SYT16: variants seen among roughly 807,000 people sequenced by gnomAD.
SYT16 encodes the protein synaptotagmin-16.
Under a neutral mutation model 61.4 loss-of-function variants are expected in SYT16, and 42 were observed. That is an observed-to-expected ratio of 0.68 (90% CI 0.53 to 0.89). The LOEUF (loss-of-function observed/expected upper bound fraction) is 0.89. Ranked by LOEUF, SYT16 falls within the 40% of genes least tolerant of loss-of-function variation. SYT16 has a pLI of 0.00. For synonymous variants in SYT16, 314 were observed against 302.3 expected, an observed-to-expected ratio of 1.04 and a Z score of -0.40; for missense variants, 804 against 807.3, an observed-to-expected ratio of 1.00 and a Z score of 0.05.
intron 1 of SYT16, among the ~76,000 whole-genome samples, chr14:61,866,752 A>G (rs1214368049): frequency 6.6e-6 from 1 of 152,070 alleles, no homozygotes; most frequent in African/African-American, 2.4e-5. Context: ...AAGAGTAAAA[A>G]TTTTAAATTT....
intron 3 of SYT16, among the ~76,000 whole-genome samples, chr14:62,063,590 A>T (rs1595317550): frequency 6.6e-6 from 1 of 151,670 alleles, no homozygotes. Flanking sequence ...ACTCTTAACC[A>T]CTCTAGCCGT....
At chr14:61,919,623 C>A (rs1013914956) in intron 1 of SYT16, among the ~76,000 whole-genome samples, 5 of 152,160 alleles carry the variant, frequency 3.3e-5, no homozygotes, top group Non-Finnish European at 1.5e-5. Flanking sequence ...TTATCTGATT[C>A]CCTCTGCCAG....
intron 3 of SYT16, among the ~76,000 whole-genome samples, chr14:62,048,824 G>A (rs1375504509): frequency 6.6e-6 from 1 of 152,198 alleles, no homozygotes; most frequent in Non-Finnish European, 1.5e-5. Context: ...TAGTTTGATT[G>A]TACTGTGGTC....
At chr14:61,933,660 G>C (rs1291118153) in intron 1 of SYT16, among the ~76,000 whole-genome samples, 1 of 152,188 alleles carries the variant, frequency 6.6e-6, no homozygotes, top group African/African-American at 2.4e-5. Flanking sequence ...CCCAGCTAAA[G>C]GGCTAGTTGT....
intron 4 of SYT16, among the ~76,000 whole-genome samples, chr14:62,073,353 G>T (rs201143288): frequency 1.3e-5 from 2 of 152,252 alleles, no homozygotes; most frequent in East Asian, 3.9e-4. Flanking sequence ...ATGACCCACT[G>T]TTTAATAGGA....
chr14:62,075,440 C>T (rs962145412), intron 5 of SYT16, 49 bp downstream of exon 5: 5 of 1,530,472 alleles, frequency 3.3e-6, no homozygotes, highest in Non-Finnish European at 4.4e-6. Context: ...TCCCCTTCCC[C>T]TCTTTCCACT....
At chr14:61,833,706 C>CTTTTTTTTTTTTTTTTTTT (rs11357318) in intron 1 of SYT16, among the ~76,000 whole-genome samples, 1 of 48,358 alleles carries the variant, frequency 2.1e-5, no homozygotes, top group Non-Finnish European at 3.7e-5. Flanking sequence ...CCAGCAGTGG[C>CTTTTTTTTTTTTTTTTTTT]TTTTTTTTTT....
At chr14:61,882,349 A>G (rs1329551256) in intron 1 of SYT16, among the ~76,000 whole-genome samples, 1 of 152,206 alleles carries the variant, frequency 6.6e-6, no homozygotes, top group Non-Finnish European at 1.5e-5. Flanking sequence ...TTACACTGCT[A>G]TGAAGAAATA....
At chr14:61,849,980 A>G (rs868365466) in intron 1 of SYT16, among the ~76,000 whole-genome samples, 46 of 152,050 alleles carry the variant, frequency 3.0e-4, no homozygotes, top group African/African-American at 1.1e-3. Context: ...TTCCATAGAT[A>G]TTGAACTAAT....
In SYT16 at chr14:61,900,189, C is replaced by A. The variant is rs1475862692; in HGVS notation, c.-324-69943C>A. 6.3e-5 allele frequency among the ~76,000 whole-genome samples: 9 copies of A among 142,776 alleles called. No individual in the cohort carries two copies. The South Asian group carries it at 1.8e-3, about 29-fold the overall frequency. 93.7% of individuals were successfully genotyped at this position (142,776 alleles called of 152,430 possible). A position where few individuals can be genotyped will look rare whatever the true frequency, so the allele number is the denominator to read the frequency against. ...TTTTTTTTTTTTTGAGATGGAGTCT[C>A]ACTCTGTTGTCCAGGCTGAAATGCA... is the stretch of plus-strand genomic sequence containing the variant. On this transcript the variant is annotated intron_variant, in intron 1 of 7. Transcript: ENST00000683842.
rs1189817518 is a variant in SYT16 at position 62,100,433 on chromosome 14, A to G, written c.1664A>G (p.Gln555Arg). 6 of 1,612,724 alleles carry G rather than the reference A, an allele frequency of 3.7e-6. No homozygotes were observed. In the African/African-American group the frequency reaches 4.0e-5, roughly 11 times the overall value. The change falls in exon 8 of 8, where the codon CAA becomes CGA. Residue 555 changes from glutamine to arginine, a missense_variant. Physicochemically the swap from Gln to Arg is conservative, Grantham distance 43 (BLOSUM62 1). Coordinates refer to ENST00000683842, the MANE Select transcript of SYT16 (RefSeq NM_001367656.1). ...CTCTTTCTCCTCAATTCTGTGGGTC[A>G]AGAGATGTCCCGTTGCAAGACGTCC... ...GKLFLLNSVGQEMSRCKTSIR... is the reference protein window; with the variant it reads ...GKLFLLNSVGREMSRCKTSIR...
At chr14:62,034,399 C>T (rs1198020729) in intron 3 of SYT16, among the ~76,000 whole-genome samples, 1 of 152,142 alleles carries the variant, frequency 6.6e-6, no homozygotes, top group South Asian at 2.1e-4. Context: ...AAATCCTGTA[C>T]ATGAATATTC....
intron 1 of SYT16, among the ~76,000 whole-genome samples, chr14:61,873,863 G>A (rs900741570): frequency 6.6e-6 from 1 of 152,182 alleles, no homozygotes; most frequent in Non-Finnish European, 1.5e-5. Flanking sequence ...CTTTCTAGAG[G>A]TATTAAAACG....
intron 7 of SYT16, 71 bp from the exon 8 acceptor site, chr14:62,100,323 G>T: frequency 7.5e-7 from 1 of 1,330,040 alleles, no homozygotes; most frequent in Non-Finnish European, 1.0e-6. Context: ...AAATGTTACA[G>T]CTAGTCTAGC....
At chr14:61,941,844 A>T (rs912093048) in intron 1 of SYT16, among the ~76,000 whole-genome samples, 1 of 152,248 alleles carries the variant, frequency 6.6e-6, no homozygotes, top group African/African-American at 2.4e-5. Context: ...AATTGAAAGG[A>T]TTTGTCTTAA....
chr14:62,035,333 C>G (rs145150417), intron 3 of SYT16, among the ~76,000 whole-genome samples: 208 of 152,278 alleles, frequency 1.4e-3, no homozygotes, highest in African/African-American at 4.0e-3. Context: ...GTGCTGTGTA[C>G]TGCTTTGATT....
chr14:62,035,505 C>A (rs1482643703), intron 3 of SYT16, among the ~76,000 whole-genome samples: 1 of 152,044 alleles, frequency 6.6e-6, no homozygotes, highest in African/African-American at 2.4e-5. Context: ...TATTTAATTC[C>A]ATCAAAGAGA....
intron 1 of SYT16, chr14:61,832,009 C>T (rs1282845576): frequency 6.0e-6 from 4 of 669,040 alleles, no homozygotes; most frequent in African/African-American, 3.6e-5. Context: ...CAGCGCTTCT[C>T]CCAGATGATA....
At chr14:61,934,209 C>G (rs2049888012) in intron 1 of SYT16, among the ~76,000 whole-genome samples, 2 of 152,070 alleles carry the variant, frequency 1.3e-5, no homozygotes, top group Non-Finnish European at 2.9e-5. Context: ...TTTGATTCAA[C>G]CTTTCTTTCA....
Sources: gnomAD v4.1 joint callset for allele counts (sites outside exome capture counted in the v4.1 genomes callset) on GRCh38, gnomAD v4.1.1 for gene constraint, MANE v1.5 for transcripts, NCBI Gene and HGNC (gene_info 2026-07-23, HGNC 2026-07-21) for gene names.